MTUS2: variants seen among roughly 807,000 people sequenced by gnomAD.
MTUS2 encodes the protein microtubule associated scaffold protein 2, also known as microtubule-associated tumor suppressor candidate 2.
MTUS2 carries 40 observed loss-of-function variants against 114.1 expected under a neutral mutation model. The observed-to-expected ratio is 0.35, with a 90% confidence interval of 0.27 to 0.46. The LOEUF (loss-of-function observed/expected upper bound fraction) is 0.46. MTUS2 is among the 20% of genes least tolerant of loss of function. The probability of loss-of-function intolerance (pLI) is 1.00; values close to 1 mark genes in which losing one functional copy is unlikely to be tolerated. For synonymous variants in MTUS2, 688 were observed against 672.0 expected (o/e 1.02, Z -0.37); for missense variants, 1,679 against 1,705.4 (o/e 0.98, Z 0.27).
intron 2 of MTUS2, among the ~76,000 whole-genome samples, chr13:28,967,604 A>G (rs1321193794): frequency 2.0e-5 from 3 of 152,214 alleles, no homozygotes. Flanking sequence ...GTTATTCACC[A>G]AAAGTACTGT....
chr13:28,999,777 C>T (rs568237740), intron 2 of MTUS2, among the ~76,000 whole-genome samples: 1 of 152,264 alleles, frequency 6.6e-6, no homozygotes, highest in East Asian at 1.9e-4. Flanking sequence ...CCTCTTCTGC[C>T]CCATCCCCCG....
At chr13:29,021,047 A>G (rs1216730992) in intron 2 of MTUS2, among the ~76,000 whole-genome samples, 1 of 152,214 alleles carries the variant, frequency 6.6e-6, no homozygotes, top group Admixed American at 6.5e-5. Flanking sequence ...TAGGAGGATC[A>G]CTTGAGGCCA....
intron 5 of MTUS2, among the ~76,000 whole-genome samples, chr13:29,115,318 C>G (rs1257353926): frequency 6.6e-6 from 1 of 152,156 alleles, no homozygotes; most frequent in African/African-American, 2.4e-5. Flanking sequence ...AGTTTTGGCT[C>G]CTTTGGCGAT....
intron 9 of MTUS2, among the ~76,000 whole-genome samples, chr13:29,473,266 A>G (rs1880449084): frequency 6.6e-6 from 1 of 152,210 alleles, no homozygotes; most frequent in Non-Finnish European, 1.5e-5. Flanking sequence ...AGATTTTATT[A>G]CGAGCTGTAG....
chr13:29,493,548 C>A (rs1224401998), intron 12 of MTUS2, among the ~76,000 whole-genome samples: 2 of 152,194 alleles, frequency 1.3e-5, no homozygotes, highest in Non-Finnish European at 2.9e-5. Context: ...TTCGATGGCT[C>A]ACTTTCCTCT....
chr13:29,491,819 GGTGT>G (rs151170147), intron 11 of MTUS2, among the ~76,000 whole-genome samples: 4,128 of 142,142 alleles, frequency 0.029, 179 homozygotes, highest in African/African-American at 0.1. Flanking sequence ...GTGTGGGGTA[GGTGT>G]GTGTGTGTGG....
At chr13:28,838,493 T>C (rs1875244646) in intron 1 of MTUS2, among the ~76,000 whole-genome samples, 1 of 152,230 alleles carries the variant, frequency 6.6e-6, no homozygotes. Flanking sequence ...GGACTTGGGC[T>C]TGGACCTGTG....
intron 6 of MTUS2, among the ~76,000 whole-genome samples, chr13:29,315,290 T>C (rs1448665551): frequency 6.6e-6 from 1 of 152,170 alleles, no homozygotes; most frequent in Non-Finnish European, 1.5e-5. Flanking sequence ...CACTATTGCA[T>C]ATTTTCAAGT....
chr13:29,161,386 T>A (rs1893090280), intron 5 of MTUS2, among the ~76,000 whole-genome samples: 1 of 151,772 alleles, frequency 6.6e-6, no homozygotes, highest in South Asian at 2.1e-4. Context: ...AAAGTTATGA[T>A]TTTTTGATTT....
chr13:29,077,734 C>T (rs545470120), intron 4 of MTUS2, among the ~76,000 whole-genome samples: 3 of 152,104 alleles, frequency 2.0e-5, no homozygotes, highest in Non-Finnish European at 4.4e-5. Flanking sequence ...TCTGTGAATG[C>T]GTATTGAATT....
At chr13:29,257,837 C>T (rs924818054) in intron 5 of MTUS2, among the ~76,000 whole-genome samples, 4 of 152,172 alleles carry the variant, frequency 2.6e-5, no homozygotes, top group African/African-American at 7.2e-5. Context: ...GACCACCTAG[C>T]ATATAGTAGT....
chr13:28,821,735 G>A (rs1004668209), intron 1 of MTUS2, among the ~76,000 whole-genome samples: 3 of 152,196 alleles, frequency 2.0e-5, no homozygotes, highest in Non-Finnish European at 2.9e-5. Flanking sequence ...CCATTGTGGA[G>A]CATTGTATTG....
rs1171672434 is a variant in MTUS2 at position 29,026,046 on chromosome 13, T to G, written c.1348T>G (p.Leu450Val). 6.2e-7 allele frequency: 1 copy of G among 1,613,838 alleles called. No individual in the cohort carries two copies. Among genetic ancestry groups the G allele is most frequent in the African/African-American group, 1.3e-5 (1 of 74,914 alleles). ...IPNNLTDSKP[L>V]DVIEEERRLG... ...TAATAATCTGACTGACAGCAAGCCC[T>G]TGGATGTCATTGAGGAGGAAAGGCG... Residue 450 changes from leucine to valine, a missense_variant, in exon 3 of 16, where the codon TTG (leucine) becomes GTG (valine). This residue lies in a region of MTUS2 where 843 missense variants were observed against 770.8 expected (regional missense o/e 1.09). Coordinates refer to ENST00000612955, the MANE Select transcript of MTUS2 (RefSeq NM_001033602.4).
chr13:29,359,325 C>A lies in MTUS2; in HGVS notation c.2969C>A (p.Ala990Asp). 2 of 1,611,076 alleles carry A rather than the reference C, an allele frequency of 1.2e-6. No individual in the cohort carries two copies. The highest frequency in any genetic ancestry group is 1.7e-6 in the Non-Finnish European group (2 of 1,178,810). Reference sequence around the variant, plus strand: ...TTTCCGCCCAAGCCGGACCCGCAGGCCCGTGAGGCTGAGCGGCAGCTGGTG... The same window carrying A: ...TTTCCGCCCAAGCCGGACCCGCAGGACCGTGAGGCTGAGCGGCAGCTGGTG... ...NGFPPKPDPQ[A>D]REAERQLVLR... Residue 990 changes from alanine to aspartate, a missense_variant, in exon 8 of 16, where the codon GCC (alanine) becomes GAC (aspartate). Ala to Asp is a moderately radical substitution (Grantham distance 126). Around this residue, in one of 3 missense-constraint regions of MTUS2, gnomAD observed 822 missense variants for 899.7 expected, o/e 0.91. Coordinates refer to ENST00000612955, the MANE Select transcript of MTUS2 (RefSeq NM_001033602.4).
intron 5 of MTUS2, among the ~76,000 whole-genome samples, chr13:29,136,437 G>C (rs144019382): frequency 4.6e-5 from 7 of 152,280 alleles, no homozygotes; most frequent in African/African-American, 1.7e-4. Flanking sequence ...TCAGGATGGT[G>C]TCTGGTCACC....
In MTUS2 at chr13:29,497,218, C is replaced by G. The variant is rs1003986988; in HGVS notation, c.3580-20C>G. 4 of 1,609,052 alleles carry G rather than the reference C, an allele frequency of 2.5e-6. No individual in the cohort carries two copies. Among genetic ancestry groups the G allele is most frequent in the African/African-American group, 1.3e-5 (1 of 74,820 alleles). ...TGTCTGTAGTGGCCCCAGCTGGACTCCTTGTATCATTACTTGCAGGACCAG... is the reference window on the plus strand; with the variant it reads ...TGTCTGTAGTGGCCCCAGCTGGACTGCTTGTATCATTACTTGCAGGACCAG... On this transcript the variant is annotated intron_variant, in intron 12 of 15. Transcript: ENST00000612955.
chr13:29,295,437 C>T (rs917367145), intron 6 of MTUS2, among the ~76,000 whole-genome samples: 2 of 152,140 alleles, frequency 1.3e-5, no homozygotes, highest in African/African-American at 4.8e-5. Flanking sequence ...CCCTACCTTC[C>T]CCACCTCTAG....
At chr13:29,064,159 G>A (rs560603159) in intron 4 of MTUS2, among the ~76,000 whole-genome samples, 1 of 152,280 alleles carries the variant, frequency 6.6e-6, no homozygotes, top group East Asian at 1.9e-4. Flanking sequence ...TTCATAGAGT[G>A]GTAGCATGGG....
chr13:29,058,689 A>G (rs1035235167), intron 4 of MTUS2, among the ~76,000 whole-genome samples: 2 of 148,590 alleles, frequency 1.3e-5, no homozygotes, highest in African/African-American at 5.0e-5. Context: ...CATTAGGTAT[A>G]TCTCCAAATG....
Sources: allele counts gnomAD v4.1 joint callset (sites outside exome capture counted in the v4.1 genomes callset), GRCh38; gene constraint gnomAD v4.1.1; regional missense constraint gnomAD v4.1.1; transcripts MANE v1.5; gene names NCBI Gene and HGNC (gene_info 2026-07-23, HGNC 2026-07-21).